The following LRP1B variants were observed in gnomAD, a reference collection of about 807,000 sequenced individuals.
LRP1B encodes low-density lipoprotein receptor-related protein 1B.
Under a neutral mutation model 556.6 loss-of-function variants are expected in LRP1B, and 217 were observed. That is an observed-to-expected ratio of 0.39 (90% confidence interval 0.35 to 0.44). The LOEUF is 0.44. Ranked by LOEUF, LRP1B falls within the 20% of genes least tolerant of loss-of-function variation. The pLI, the probability that LRP1B is intolerant of heterozygous loss-of-function variation, is 1.00. For missense variants in LRP1B, 5,053 were observed against 5,620.8 expected, an observed-to-expected ratio of 0.90 and a Z score of 3.23; for synonymous variants, 2,047 against 1,865.8, an observed-to-expected ratio of 1.10 and a Z score of -2.50.
At chr2:140,372,023 T>C (rs1683022154) in intron 69 of LRP1B, among the ~76,000 whole-genome samples, 1 of 152,066 alleles carries the variant, frequency 6.6e-6, no homozygotes, top group Non-Finnish European at 1.5e-5. Context: ...TCTAATTAAT[T>C]GACAGAAATT....
chr2:141,543,005 C>T (rs764037599), intron 2 of LRP1B, among the ~76,000 whole-genome samples: 2 of 152,078 alleles, frequency 1.3e-5, no homozygotes, highest in African/African-American at 2.4e-5. Context: ...TATAGAACAA[C>T]GTGACAGTTT....
chr2:141,582,877 C>T (rs540952680), intron 2 of LRP1B, among the ~76,000 whole-genome samples: 1 of 142,148 alleles, frequency 7.0e-6, no homozygotes, highest in African/African-American at 2.7e-5. Flanking sequence ...GCTCTGTCAC[C>T]CAGGCTAGAG....
intron 2 of LRP1B, among the ~76,000 whole-genome samples, chr2:141,681,513 T>A (rs1013585867): frequency 6.6e-6 from 1 of 152,112 alleles, no homozygotes; most frequent in Non-Finnish European, 1.5e-5. Flanking sequence ...TTCCTGTTAC[T>A]TTATGTGTGT....
At chr2:140,236,747 C>G (rs1194887148) in intron 89 of LRP1B, among the ~76,000 whole-genome samples, 3 of 150,858 alleles carry the variant, frequency 2.0e-5, no homozygotes, top group Admixed American at 6.6e-5. Flanking sequence ...TCTGGCTCAT[C>G]ATTTAAACAT....
chr2:140,553,837 A>T (rs150168135), intron 43 of LRP1B, among the ~76,000 whole-genome samples: 5 of 152,192 alleles, frequency 3.3e-5, no homozygotes, highest in African/African-American at 1.2e-4. Flanking sequence ...CATTGAGAAG[A>T]GCCACCAGCT....
chr2:142,005,312 T>C (rs548773068), intron 1 of LRP1B, among the ~76,000 whole-genome samples: 18 of 152,146 alleles, frequency 1.2e-4, no homozygotes, highest in Non-Finnish European at 1.6e-4. Context: ...AACAAGCCCT[T>C]GGAAAACTGA....
intron 1 of LRP1B, among the ~76,000 whole-genome samples, chr2:142,076,533 T>G (rs1705507702): frequency 1.3e-5 from 2 of 152,120 alleles, no homozygotes; most frequent in African/African-American, 4.8e-5. Flanking sequence ...TCATGTTTCA[T>G]GGGTCGTTCA....
At chr2:140,819,020 TGTGAA>T (rs1691226294) in intron 31 of LRP1B, among the ~76,000 whole-genome samples, 1 of 151,938 alleles carries the variant, frequency 6.6e-6, no homozygotes, top group Admixed American at 6.6e-5. Flanking sequence ...CTGGCTTCTC[TGTGAA>T]GTGAACACAA....
At chr2:140,453,164 G>T (rs1686952893) in intron 62 of LRP1B, among the ~76,000 whole-genome samples, 1 of 151,622 alleles carries the variant, frequency 6.6e-6, no homozygotes, top group Admixed American at 6.6e-5. Flanking sequence ...TATCTAAATT[G>T]TATGTATTTT....
At chr2:140,490,881 C>T (rs1688668517) in intron 57 of LRP1B, among the ~76,000 whole-genome samples, 1 of 152,106 alleles carries the variant, frequency 6.6e-6, no homozygotes, top group Admixed American at 6.6e-5. Flanking sequence ...TCATCATCCT[C>T]ACTGTTTCTT....
At chr2:140,983,537 G>C (rs1436999127) in intron 17 of LRP1B, among the ~76,000 whole-genome samples, 1 of 152,090 alleles carries the variant, frequency 6.6e-6, no homozygotes, top group Non-Finnish European at 1.5e-5. Context: ...ATGAATTAGG[G>C]CTTCAGAAAT....
chr2:140,791,052 G>A (rs986451355), intron 32 of LRP1B, among the ~76,000 whole-genome samples: 41 of 151,548 alleles, frequency 2.7e-4, no homozygotes, highest in African/African-American at 9.2e-4. Flanking sequence ...TCAAGAGATC[G>A]AGACCATCCT....
chr2:141,822,964 AAC>A (rs541416157), intron 1 of LRP1B, among the ~76,000 whole-genome samples: 1 of 152,200 alleles, frequency 6.6e-6, no homozygotes, highest in Non-Finnish European at 1.5e-5. Flanking sequence ...ACATTCCGTG[AAC>A]AGAGCTGAAG....
chr2:141,904,226 G>A (rs1431160059), intron 1 of LRP1B, among the ~76,000 whole-genome samples: 1 of 151,866 alleles, frequency 6.6e-6, no homozygotes, highest in Non-Finnish European at 1.5e-5. Flanking sequence ...GAGAACAGTT[G>A]GGAGGCTGTT....
intron 84 of LRP1B, among the ~76,000 whole-genome samples, chr2:140,289,172 GTTTAAT>G (rs533845600): frequency 2.0e-3 from 303 of 152,018 alleles, no homozygotes; most frequent in African/African-American, 7.2e-3. Context: ...TTTATCAATA[GTTTAAT>G]TTTATAAACA....
intron 41 of LRP1B, among the ~76,000 whole-genome samples, chr2:140,642,034 T>A (rs530352242): frequency 2.0e-5 from 3 of 152,236 alleles, no homozygotes; most frequent in Non-Finnish European, 2.9e-5. Context: ...CAGATAACCA[T>A]TGATGATTCT....
intron 7 of LRP1B, among the ~76,000 whole-genome samples, chr2:141,148,944 G>A (rs1701853178): frequency 6.6e-6 from 1 of 151,934 alleles, no homozygotes; most frequent in South Asian, 2.1e-4. Context: ...AAGTTAGCTG[G>A]GCATGGTGGT....
intron 43 of LRP1B, among the ~76,000 whole-genome samples, chr2:140,564,632 C>A (rs980926558): frequency 6.6e-6 from 1 of 152,038 alleles, no homozygotes; most frequent in Non-Finnish European, 1.5e-5. Context: ...AATGATTAAC[C>A]TTGACAGCAT....
intron 4 of LRP1B, among the ~76,000 whole-genome samples, chr2:141,254,181 C>T (rs1485137982): frequency 3.3e-5 from 5 of 151,988 alleles, no homozygotes; most frequent in East Asian, 3.9e-4. Context: ...ATTAACCTAA[C>T]GTAGTTAATA....
Sources: gnomAD v4.1 joint callset for allele counts (sites outside exome capture counted in the v4.1 genomes callset) on GRCh38, gnomAD v4.1.1 for gene constraint, MANE v1.5 for transcripts, NCBI Gene and HGNC (gene_info 2026-07-23, HGNC 2026-07-21) for gene names.